Variants in GABRA2 observed in about 807,000 individuals in gnomAD.
GABRA2 encodes the protein gamma-aminobutyric acid type A receptor subunit alpha2, also known as gamma-aminobutyric acid receptor subunit alpha-2.
In GABRA2, 16 loss-of-function variants were observed where a neutral mutation model predicts 48.7. That is an observed-to-expected ratio of 0.33 (90% CI 0.22 to 0.50). The LOEUF is 0.50. GABRA2 is among the 20% of genes least tolerant of loss of function. The pLI is 0.98. For missense variants in GABRA2, 275 were observed against 535.6 expected (o/e 0.51, Z 4.80); for synonymous variants, 185 against 184.5 (o/e 1.00, Z -0.02).
chr4:46,352,169 G>T (rs1735241021), intron 3 of GABRA2, among the ~76,000 whole-genome samples: 1 of 151,998 alleles, frequency 6.6e-6, no homozygotes, highest in Non-Finnish European at 1.5e-5. Context: ...TAAAGGCAGA[G>T]AATCACTATA....
At chr4:46,275,053 C>T (rs918234908) in intron 8 of GABRA2, among the ~76,000 whole-genome samples, 6 of 152,048 alleles carry the variant, frequency 3.9e-5, no homozygotes, top group South Asian at 2.1e-4. Context: ...AAGAATTTAA[C>T]GCGGCTCTCG....
intron 5 of GABRA2, 61 bp downstream of exon 5, chr4:46,312,435 T>G (rs1578008378): frequency 2.7e-5 from 30 of 1,123,558 alleles, no homozygotes; most frequent in African/African-American, 1.6e-5. Context: ...GATTGGCTGG[T>G]TGTTTAATAC....
At chr4:46,301,936 G>A (rs78749021) in intron 8 of GABRA2, among the ~76,000 whole-genome samples, 1 of 152,074 alleles carries the variant, frequency 6.6e-6, no homozygotes, top group South Asian at 2.1e-4. Context: ...GTTACAAAAC[G>A]TGCTTGGCCC....
chr4:46,275,618 A>G (rs1720334692), intron 8 of GABRA2, among the ~76,000 whole-genome samples: 1 of 152,202 alleles, frequency 6.6e-6, no homozygotes, highest in Non-Finnish European at 1.5e-5. Context: ...ATAAAATAGC[A>G]GGAGACCATC....
At chr4:46,350,605 T>A (rs2109904968) in intron 3 of GABRA2, among the ~76,000 whole-genome samples, 2 of 151,940 alleles carry the variant, frequency 1.3e-5, no homozygotes, top group East Asian at 3.9e-4. Flanking sequence ...AAACTTAAAT[T>A]AAAATAATTA....
rs981486686 is a variant in GABRA2 at position 46,296,656 on chromosome 4, G to GAAA, written c.856+6801_856+6803dup. ...AAGGTTTGGATTACTCTATCAGGGG[G>GAAA]AAAAAAAAAAAGAAAAAAAAAAACC... On this transcript the variant is annotated intron_variant, in intron 8 of 9. Transcript: ENST00000381620. Among the ~76,000 whole-genome samples, 111 of 136,566 alleles carry GAAA rather than the reference G, an allele frequency of 8.1e-4. 3 individuals are homozygous for GAAA. Among genetic ancestry groups the GAAA allele is most frequent in the African/African-American group, 2.5e-3 (91 of 36,122 alleles). 89.6% of individuals were successfully genotyped at this position (136,566 alleles called of 152,430 possible). A position where few individuals can be genotyped will look rare whatever the true frequency, so the allele number is the denominator to read the frequency against.
At chr4:46,364,959 A>G (rs1713815061) in intron 3 of GABRA2, 1 of 152,212 alleles carries the variant, frequency 6.6e-6, no homozygotes, top group Non-Finnish European at 1.5e-5. Context: ...TAAATGTTTT[A>G]AAAATTGTCT....
chr4:46,336,642 C>T (rs545411896), intron 3 of GABRA2, among the ~76,000 whole-genome samples: 143 of 152,242 alleles, frequency 9.4e-4, no homozygotes, highest in African/African-American at 2.8e-3. Flanking sequence ...ATAAGTAATG[C>T]ATGTGGCATA....
chr4:46,300,400 C>T (rs939718575), intron 8 of GABRA2, among the ~76,000 whole-genome samples: 6 of 151,744 alleles, frequency 4.0e-5, no homozygotes, highest in South Asian at 2.1e-4. Context: ...CTGGTCATTC[C>T]AATTAGTTCC....
chr4:46,377,786 T>C (rs1716062871), intron 3 of GABRA2, among the ~76,000 whole-genome samples: 1 of 133,418 alleles, frequency 7.5e-6, no homozygotes, highest in African/African-American at 2.9e-5. Flanking sequence ...GAGGGGCGCC[T>C]CTGCCCGGCC....
intron 8 of GABRA2, among the ~76,000 whole-genome samples, chr4:46,262,906 CGAAAGAAAGAAAGAGA>C (rs1255153679): frequency 5.3e-5 from 5 of 93,524 alleles, no homozygotes; most frequent in African/African-American, 2.0e-4. Flanking sequence ...AAAGAAAGAA[CGAAAGAAAGAAAGAGA>C]GAGAGAAAGA....
chr4:46,333,646 A>C (rs559825594), intron 3 of GABRA2, among the ~76,000 whole-genome samples: 1 of 152,204 alleles, frequency 6.6e-6, no homozygotes, highest in East Asian at 1.9e-4. Flanking sequence ...TAAAAAATAG[A>C]AAGGATATTG....
intron 8 of GABRA2, among the ~76,000 whole-genome samples, chr4:46,283,524 T>C (rs575843090): frequency 1.3e-5 from 2 of 152,320 alleles, no homozygotes; most frequent in East Asian, 3.9e-4. Flanking sequence ...TTGGGTTTTC[T>C]GGTATAAAAA....
At chr4:46,269,725 A>T (rs956659924) in intron 8 of GABRA2, among the ~76,000 whole-genome samples, 6 of 151,790 alleles carry the variant, frequency 4.0e-5, no homozygotes, top group African/African-American at 1.4e-4. Context: ...TTTGTTTCAC[A>T]TTTTTTTACT....
chr4:46,369,534 A>T (rs1316553962), intron 3 of GABRA2, among the ~76,000 whole-genome samples: 1 of 129,676 alleles, frequency 7.7e-6, no homozygotes, highest in Non-Finnish European at 1.6e-5. Flanking sequence ...TAGCCATGCA[A>T]GAGAACTACA....
chr4:46,332,804 C>A, intron 3 of GABRA2, 122 bp from the exon 4 acceptor site: 1 of 567,878 alleles, frequency 1.8e-6, no homozygotes, highest in Non-Finnish European at 3.2e-6. Flanking sequence ...CTGGGTTTTA[C>A]TTTCTTGTCA....
At chr4:46,309,239 T>G (rs1577996989) in intron 6 of GABRA2, among the ~76,000 whole-genome samples, 1 of 152,126 alleles carries the variant, frequency 6.6e-6, no homozygotes, top group East Asian at 1.9e-4. Context: ...GGTTTTGCAT[T>G]CATATGAGCC....
intron 8 of GABRA2, among the ~76,000 whole-genome samples, chr4:46,272,956 T>C (rs1014399140): frequency 3.9e-5 from 6 of 151,956 alleles, no homozygotes; most frequent in African/African-American, 1.2e-4. Flanking sequence ...GCAGGTTTGT[T>C]ACACAGTTGT....
chr4:46,334,289 G>A (rs964031976), intron 3 of GABRA2, among the ~76,000 whole-genome samples: 11 of 152,042 alleles, frequency 7.2e-5, no homozygotes, highest in Admixed American at 5.3e-4. Flanking sequence ...TTTGGACTGG[G>A]CATCACAAAT....
Sources: allele counts gnomAD v4.1 joint callset (sites outside exome capture counted in the v4.1 genomes callset), GRCh38; gene constraint gnomAD v4.1.1; transcripts MANE v1.5; gene names NCBI Gene and HGNC (gene_info 2026-07-23, HGNC 2026-07-21).